The following NSRP1 variants were observed in gnomAD, a reference collection of about 807,000 sequenced individuals.
The protein encoded by NSRP1 is coiled-coil domain containing 55.
NSRP1 carries 24 observed loss-of-function variants against 54.7 expected under a neutral mutation model. The observed-to-expected ratio is 0.44, with a 90% CI of 0.32 to 0.62. The LOEUF (loss-of-function observed/expected upper bound fraction) is 0.62. Among genes scored for constraint, NSRP1 ranks in the 20% least tolerant of loss-of-function variants. The pLI, the probability that NSRP1 is intolerant of heterozygous loss-of-function variation, is 0.06. For missense variants in NSRP1, 596 were observed against 651.2 expected (o/e 0.92, Z 0.92); for synonymous variants, 210 against 213.8 (o/e 0.98, Z 0.15).
chr17:30,149,637 C>A (rs116752767), intron 2 of NSRP1, among the ~76,000 whole-genome samples: 3,159 of 151,630 alleles, frequency 0.021, 83 homozygotes, highest in African/African-American at 0.069. Context: ...TCAAGACTAG[C>A]GGGGGAAACA....
chr17:30,180,803 C>G (rs1905266274), intron 5 of NSRP1, 105 bp from the exon 6 acceptor site: 4 of 680,508 alleles, frequency 5.9e-6, no homozygotes, highest in Non-Finnish European at 1.0e-5. Flanking sequence ...AACTCCTGAT[C>G]CAGCGAGTAG....
chr17:30,178,154 A>C lies in NSRP1; in HGVS notation c.255A>C (p.Lys85Asn). 6.8e-6 allele frequency: 11 copies of C among 1,610,442 alleles called. No individual in the cohort carries two copies. The highest frequency in any genetic ancestry group is 9.3e-6 in the Non-Finnish European group (11 of 1,179,094). Residue 85 changes from lysine (K) to asparagine (N), a missense_variant, in exon 4 of 7, where the codon AAA (lysine) becomes AAC (asparagine). Transcript: ENST00000247026. ...YDSIYDEMQK[K>N]KEENNPKLLL... ...GTATTTATGATGAAATGCAGAAAAA[A>C]AAGGAGGAAAATAATCCCAAATTGC...
At chr17:30,118,630 C>T (rs1033548080) in intron 2 of NSRP1, among the ~76,000 whole-genome samples, 2 of 152,008 alleles carry the variant, frequency 1.3e-5, no homozygotes, top group African/African-American at 4.8e-5. Flanking sequence ...AATAGTTACT[C>T]TTGATAGTAC....
Position 30,178,149 on chromosome 17 carries a change from A to G in NSRP1, c.250A>G (p.Lys84Glu), listed in dbSNP as rs143842750. The change falls in exon 4 of 7, where the codon AAA becomes GAA. Residue 84 changes from lysine (K) to glutamate (E), a missense_variant. Physicochemically the swap from Lys to Glu is moderately conservative, Grantham distance 56 (BLOSUM62 1). Transcript: ENST00000247026. ...EYDSIYDEMQ[K>E]KKEENNPKLL... The stretch of plus-strand genomic sequence containing the variant: ...TGACAGTATTTATGATGAAATGCAG[A>G]AAAAAAAGGAGGAAAATAATCCCAA... 4,661 of 1,607,860 alleles carry G rather than the reference A, an allele frequency of 2.9e-3. 11 individuals are homozygous for G. The highest frequency in any genetic ancestry group is 3.6e-3 in the Non-Finnish European group (4,272 of 1,177,828).
intron 2 of NSRP1, among the ~76,000 whole-genome samples, chr17:30,132,609 C>G (rs551721098): frequency 3.9e-5 from 6 of 152,176 alleles, no homozygotes; most frequent in Non-Finnish European, 8.8e-5. Context: ...GTCATCAATT[C>G]AAGTTTTATC....
intron 2 of NSRP1, among the ~76,000 whole-genome samples, chr17:30,160,726 G>A (rs988075821): frequency 2.0e-5 from 3 of 152,126 alleles, no homozygotes; most frequent in African/African-American, 7.2e-5. Context: ...TTAAACACTT[G>A]AACCATCATT....
At chr17:30,136,445 A>G (rs1297392977) in intron 2 of NSRP1, among the ~76,000 whole-genome samples, 1 of 152,204 alleles carries the variant, frequency 6.6e-6, no homozygotes, top group African/African-American at 2.4e-5. Context: ...TGTTTATGTT[A>G]GATATGGCTT....
intron 2 of NSRP1, among the ~76,000 whole-genome samples, chr17:30,133,085 A>G (rs894555192): frequency 6.7e-6 from 1 of 150,032 alleles, no homozygotes; most frequent in Non-Finnish European, 1.5e-5. Context: ...CATGGGCCAC[A>G]GGCACTCACC....
At chr17:30,126,552 A>G (rs1388309282) in intron 2 of NSRP1, among the ~76,000 whole-genome samples, 1 of 152,198 alleles carries the variant, frequency 6.6e-6, no homozygotes, top group Admixed American at 6.5e-5. Context: ...TAGATAAAGT[A>G]TGAGCTCTAT....
intron 2 of NSRP1, among the ~76,000 whole-genome samples, chr17:30,141,890 G>A (rs904982774): frequency 7.9e-5 from 12 of 152,184 alleles, no homozygotes; most frequent in African/African-American, 2.9e-4. Flanking sequence ...TGTAGTCCCA[G>A]CTACTTGGAA....
Position 30,178,053 on chromosome 17 carries a change from G to A in NSRP1, c.172-18G>A, listed in dbSNP as rs758949934. 6.2e-7 allele frequency: 1 copy of A among 1,611,114 alleles called. No individual in the cohort carries two copies. The highest frequency in any genetic ancestry group is 8.5e-7 in the Non-Finnish European group (1 of 1,178,980). The stretch of plus-strand genomic sequence containing the variant: ...TGGCTGGCTCATATTTTTGAAACAT[G>A]TTTAATTTTTTTTTAAGACCAAACT... On this transcript the variant is annotated intron_variant, in intron 3 of 6. Coordinates refer to ENST00000247026, the MANE Select transcript of NSRP1 (RefSeq NM_032141.4).
Position 30,184,674 on chromosome 17 carries a change from G to C in NSRP1, c.677G>C (p.Arg226Thr), listed in dbSNP as rs1209131799. Residue 226 changes from arginine to threonine, a missense_variant, in exon 7 of 7, where the codon AGA becomes ACA. Transcript: ENST00000247026. ...GFSNEVSSKN[R>T]IPQEKCILQT... ...TCCAATGAAGTAAGTTCAAAAAACA[G>C]AATACCACAAGAGAAATGCATTCTT... The C allele has an allele frequency of 6.2e-7, 1 of 1,606,798 alleles. No homozygotes were observed.
At chr17:30,176,980 A>G (rs556491325) in intron 3 of NSRP1, among the ~76,000 whole-genome samples, 8 of 152,288 alleles carry the variant, frequency 5.3e-5, no homozygotes, top group Non-Finnish European at 1.2e-4. Context: ...TACATTAGCC[A>G]ATCTAGCAAT....
intron 2 of NSRP1, among the ~76,000 whole-genome samples, chr17:30,147,624 C>T (rs555459307): frequency 1.3e-4 from 19 of 151,790 alleles, no homozygotes; most frequent in African/African-American, 1.9e-4. Flanking sequence ...CCACCACGCC[C>T]GGCTAATTTT....
At chr17:30,152,423 ATTTTT>A (rs200742872) in intron 2 of NSRP1, among the ~76,000 whole-genome samples, 1 of 132,126 alleles carries the variant, frequency 7.6e-6, no homozygotes, top group East Asian at 2.2e-4. Flanking sequence ...CAGCCTAAGA[ATTTTT>A]TTTTTTTTTT....
At chr17:30,117,848 A>G in intron 1 of NSRP1, 1 of 376,620 alleles carries the variant, frequency 2.7e-6, no homozygotes, top group Non-Finnish European at 4.7e-6. Flanking sequence ...TTTGATAAAA[A>G]TGGTATTCGA....
intron 2 of NSRP1, among the ~76,000 whole-genome samples, chr17:30,141,776 G>A (rs546554862): frequency 1.6e-4 from 24 of 152,196 alleles, no homozygotes; most frequent in Non-Finnish European, 2.8e-4. Flanking sequence ...GCCAAAGTGG[G>A]CGGATTGATT....
intron 2 of NSRP1, among the ~76,000 whole-genome samples, chr17:30,141,751 C>T (rs988662576): frequency 6.6e-6 from 1 of 152,170 alleles, no homozygotes; most frequent in East Asian, 1.9e-4. Flanking sequence ...GCTGGTAATC[C>T]CAGCACTGTG....
chr17:30,184,619 G>A lies in NSRP1; in HGVS notation c.622G>A (p.Gly208Ser). The change falls in exon 7 of 7, where the codon GGT becomes AGT. Residue 208 changes from glycine to serine, a missense_variant. Coordinates refer to ENST00000247026, the MANE Select transcript of NSRP1 (RefSeq NM_032141.4). Reference protein sequence around the residue: ...PKCSFREARSGIKEEKSRGFS... With the variant: ...PKCSFREARSSIKEEKSRGFS... ...TTTTTGTTTTTTGTTTCTAAGATCTGGTATAAAGGAAGAAAAATCAAGGGG... is the reference window on the plus strand; with the variant it reads ...TTTTTGTTTTTTGTTTCTAAGATCTAGTATAAAGGAAGAAAAATCAAGGGG... 6.4e-7 allele frequency: 1 copy of A among 1,554,732 alleles called. No individual in the cohort carries two copies. The highest frequency in any genetic ancestry group is 2.3e-4 in the Middle Eastern group (1 of 4,438).
Sources: allele counts gnomAD v4.1 joint callset (sites outside exome capture counted in the v4.1 genomes callset), GRCh38; gene constraint gnomAD v4.1.1; transcripts MANE v1.5; gene names NCBI Gene and HGNC (gene_info 2026-07-23, HGNC 2026-07-21).